The following PAK1 variants were observed in gnomAD, a reference collection of about 807,000 sequenced individuals.
The protein encoded by PAK1 is serine/threonine-protein kinase PAK 1.
PAK1 carries 29 observed loss-of-function variants against 67.4 expected under a neutral mutation model. The observed-to-expected ratio is 0.43, with a 90% CI of 0.32 to 0.59. The LOEUF is 0.59. Among genes scored for constraint, PAK1 ranks in the 20% least tolerant of loss-of-function variants. The pLI is 0.07. For synonymous variants in PAK1, 223 were observed against 237.4 expected, an observed-to-expected ratio of 0.94 and a Z score of 0.56; for missense variants, 337 against 670.7, an observed-to-expected ratio of 0.50 and a Z score of 5.50.
chr11:77,442,190 G>A (rs1177041447), intron 1 of PAK1, among the ~76,000 whole-genome samples: 1 of 152,124 alleles, frequency 6.6e-6, no homozygotes, highest in African/African-American at 2.4e-5. Context: ...CTACCACTGT[G>A]AAAACCACTA....
chr11:77,342,091 G>A (rs752735937), intron 10 of PAK1, among the ~76,000 whole-genome samples: 6 of 152,200 alleles, frequency 3.9e-5, no homozygotes, highest in Non-Finnish European at 8.8e-5. Flanking sequence ...ATTACATCAT[G>A]AGGGTTCTGC....
At chr11:77,478,724 G>A (rs184233392), upstream of PAK1, among the ~76,000 whole-genome samples, 493 of 151,768 alleles carry the variant, frequency 3.2e-3, 2 homozygotes, top group Middle Eastern at 0.014. Context: ...AGGTTGCAGT[G>A]AGCTGAGATC....
intron 1 of PAK1, among the ~76,000 whole-genome samples, chr11:77,439,629 C>T (rs373502243): frequency 6.6e-6 from 1 of 152,174 alleles, no homozygotes; most frequent in Non-Finnish European, 1.5e-5. Flanking sequence ...TACCCAAGGA[C>T]TTTTCTGGTC....
chr11:77,472,083 A>G (rs1957884596), intron 1 of PAK1, among the ~76,000 whole-genome samples: 1 of 152,202 alleles, frequency 6.6e-6, no homozygotes, highest in African/African-American at 2.4e-5. Context: ...GACAGGGAAT[A>G]TCTTAATAGA....
the PAK1 span, among the ~76,000 whole-genome samples, chr11:77,486,729 T>A: frequency 6.6e-6 from 1 of 152,102 alleles, no homozygotes; most frequent in Non-Finnish European, 1.5e-5. Context: ...CCAGAACCCA[T>A]GGAAGCATGG....
At chr11:77,356,677 C>T (rs572991493) in intron 6 of PAK1, among the ~76,000 whole-genome samples, 1 of 152,254 alleles carries the variant, frequency 6.6e-6, no homozygotes, top group South Asian at 2.1e-4. Context: ...TCAAATTTTA[C>T]CTTTTAAAAA....
At chr11:77,359,083 C>T (rs1946433915) in intron 5 of PAK1, 66 bp from the exon 6 acceptor site, 1 of 1,487,022 alleles carries the variant, frequency 6.7e-7, no homozygotes, top group Non-Finnish European at 9.2e-7. Flanking sequence ...ATCAGGATCA[C>T]CAAACCTCCC....
chr11:77,322,147 T>C lies in PAK1; in HGVS notation c.*1127A>G, dbSNP rs1259513276. On this transcript the variant is annotated 3_prime_UTR_variant, in exon 15 of 15. Coordinates refer to ENST00000356341, the MANE Select transcript of PAK1 (RefSeq NM_002576.5). ...ACAATGCTGGCCAGGGGTCCTACCA[T>C]AGTGGGAGAACCAAAACCACAAAAA... 4.7e-6 allele frequency: 1 copy of C among 212,752 alleles called. No homozygotes were observed. Among genetic ancestry groups the C allele is most frequent in the African/African-American group, 2.3e-5 (1 of 44,198 alleles). The allele number at this position is 212,752 out of a possible 1,614,324, so 13.2% of individuals were successfully genotyped here. A position where few individuals can be genotyped will look rare whatever the true frequency, so the allele number is the denominator to read the frequency against.
In PAK1 at chr11:77,343,863, G is replaced by T; in HGVS notation, c.954C>A (p.Val318=). Residue 318 remains valine (V), a synonymous_variant, in exon 10 of 15, where the codon GTC becomes GTA. Coordinates refer to ENST00000356341, the MANE Select transcript of PAK1 (RefSeq NM_002576.5). ...KKELIINEIL[V]MRENKNPNIV... Reference sequence around the variant, plus strand: ...TGTTTGGGTTCTTGTTTTCCCTCATGACCAGGATCTCATTAATAATCAGCT... The same window carrying T: ...TGTTTGGGTTCTTGTTTTCCCTCATTACCAGGATCTCATTAATAATCAGCT... 1.2e-6 allele frequency: 2 copies of T among 1,613,140 alleles called. No homozygotes were observed. Among genetic ancestry groups the T allele is most frequent in the South Asian group, 1.1e-5 (1 of 90,998 alleles).
the PAK1 span, among the ~76,000 whole-genome samples, chr11:77,490,098 G>C: frequency 3.3e-5 from 5 of 151,438 alleles, no homozygotes; most frequent in African/African-American, 1.2e-4. Flanking sequence ...CCTCTGCCCG[G>C]CCGCGACCCC....
intron 1 of PAK1, among the ~76,000 whole-genome samples, chr11:77,401,014 G>T (rs1302535015): frequency 6.6e-6 from 1 of 152,156 alleles, no homozygotes. Context: ...ACACTACACT[G>T]CTGACTCTAG....
At chr11:77,446,230 G>A (rs1268308060) in intron 1 of PAK1, among the ~76,000 whole-genome samples, 1 of 152,140 alleles carries the variant, frequency 6.6e-6, no homozygotes, top group Non-Finnish European at 1.5e-5. Flanking sequence ...CTCAGACCCA[G>A]GCTGGGCACG....
At chr11:77,460,322 G>GTTTTTTTTTTTTTTTTT in intron 1 of PAK1, among the ~76,000 whole-genome samples, 1 of 114,146 alleles carries the variant, frequency 8.8e-6, no homozygotes, top group Admixed American at 8.6e-5. Context: ...TTTTTTGTTT[G>GTTTTTTTTTTTTTTTTT]CTTTTTTTTT....
At chr11:77,387,954 A>T (rs1430372505) in intron 2 of PAK1, among the ~76,000 whole-genome samples, 1 of 152,220 alleles carries the variant, frequency 6.6e-6, no homozygotes, top group Admixed American at 6.5e-5. Flanking sequence ...CAAAAGAAAA[A>T]CACCTCAGAC....
Position 77,322,093 on chromosome 11 carries a change from G to A in PAK1, c.*1181C>T, listed in dbSNP as rs771325440. 1.1e-4 allele frequency: 23 copies of A among 218,884 alleles called. No homozygotes were observed. Among genetic ancestry groups the A allele is most frequent in the Non-Finnish European group, 1.8e-4 (20 of 108,590 alleles). The allele number at this position is 218,884 out of a possible 1,614,324, so 13.6% of individuals were successfully genotyped here. On this transcript the variant is annotated 3_prime_UTR_variant, in exon 15 of 15. Coordinates refer to ENST00000356341, the MANE Select transcript of PAK1 (RefSeq NM_002576.5). Reference sequence around the variant, plus strand: ...GCAGTAGTACCTCAGAGCATGAGAAGGTAGTCAATGGGGCTGACATGACAA... The same window carrying A: ...GCAGTAGTACCTCAGAGCATGAGAAAGTAGTCAATGGGGCTGACATGACAA...
intron 14 of PAK1, among the ~76,000 whole-genome samples, chr11:77,327,755 T>C (rs983752473): frequency 2.6e-5 from 4 of 152,192 alleles, no homozygotes; most frequent in African/African-American, 9.7e-5. Context: ...GCTAACATCA[T>C]AATGACAGGA....
In PAK1 at chr11:77,343,367, T is replaced by C. The variant is rs565248483; in HGVS notation, c.998+452A>G. Among the ~76,000 whole-genome samples the C allele has an allele frequency of 2.8e-4, 43 of 152,284 alleles. No individual in the cohort carries two copies. In the South Asian group the frequency reaches 5.4e-3, roughly 19 times the overall value. ...ACAAGAATGAAATCATTAAGCTGTG[T>C]TGAGTTTAGAAAGAGTCCCACTCTC... is the stretch of plus-strand genomic sequence containing the variant. On this transcript the variant is annotated intron_variant, in intron 10 of 14. Transcript: ENST00000356341.
the PAK1 span, among the ~76,000 whole-genome samples, chr11:77,514,362 G>C: frequency 6.6e-6 from 1 of 152,094 alleles, no homozygotes; most frequent in Non-Finnish European, 1.5e-5. Flanking sequence ...GGGTGTAGTG[G>C]CGGACACCTG....
At chr11:77,325,189 CTCTG>C (rs1304356051) in intron 14 of PAK1, 8 of 919,526 alleles carry the variant, frequency 8.7e-6, no homozygotes, top group Admixed American at 6.0e-5. Context: ...CAGTTTCCTT[CTCTG>C]TCTAATAAAC....
Sources: allele counts gnomAD v4.1 joint callset (sites outside exome capture counted in the v4.1 genomes callset), GRCh38; gene constraint gnomAD v4.1.1; transcripts MANE v1.5; gene names NCBI Gene and HGNC (gene_info 2026-07-23, HGNC 2026-07-21).